Variants in SNTG2 observed in about 807,000 individuals in gnomAD.
The protein encoded by SNTG2 is syntrophin gamma 2.
A neutral mutation model predicts 70.9 loss-of-function variants in SNTG2; 74 were observed. That is an observed-to-expected ratio of 1.04 (90% CI 0.86 to 1.27). The LOEUF (loss-of-function observed/expected upper bound fraction) is 1.27, where lower values mean the gene tolerates loss of function less well. Among genes scored for constraint, SNTG2 ranks in the 50% most tolerant of loss-of-function variants. The probability of loss-of-function intolerance (pLI) is 0.00; values close to 1 mark genes in which losing one functional copy is unlikely to be tolerated. For synonymous variants in SNTG2, 278 were observed against 273.8 expected (o/e 1.02, Z -0.15); for missense variants, 717 against 690.7 (o/e 1.04, Z -0.43).
chr2:1,016,629 A>G (rs1012981912), intron 1 of SNTG2, among the ~76,000 whole-genome samples: 4 of 152,224 alleles, frequency 2.6e-5, no homozygotes, highest in Non-Finnish European at 4.4e-5. Context: ...CAGGCATTTG[A>G]AGGAGGAAGG....
At chr2:1,167,072 A>G (rs1670759580) in intron 7 of SNTG2, among the ~76,000 whole-genome samples, 1 of 152,262 alleles carries the variant, frequency 6.6e-6, no homozygotes, top group African/African-American at 2.4e-5. Context: ...ACCCCGGGAT[A>G]CAGAAAGCCT....
chr2:976,807 A>G (rs1250595262), intron 1 of SNTG2, among the ~76,000 whole-genome samples: 1 of 151,460 alleles, frequency 6.6e-6, no homozygotes, highest in African/African-American at 2.4e-5. Context: ...AAGAACCCCC[A>G]TCCGTCTCCC....
intron 4 of SNTG2, among the ~76,000 whole-genome samples, chr2:1,115,143 G>A (rs553437010): frequency 1.5e-5 from 2 of 137,492 alleles, no homozygotes; most frequent in East Asian, 2.3e-4. Flanking sequence ...CCTTACAGTC[G>A]TTTGAGGAGG....
At chr2:1,053,958 GGA>G (rs1223267868) in intron 1 of SNTG2, among the ~76,000 whole-genome samples, 1 of 150,176 alleles carries the variant, frequency 6.7e-6, no homozygotes, top group Non-Finnish European at 1.5e-5. Context: ...CATATGAGTG[GGA>G]GACCTCGTGT....
chr2:1,276,544 A>G (rs566790220), intron 14 of SNTG2, among the ~76,000 whole-genome samples: 43 of 152,346 alleles, frequency 2.8e-4, no homozygotes, highest in African/African-American at 9.1e-4. Flanking sequence ...ACTGCTCAGA[A>G]AAAAAGATTC....
chr2:1,222,069 CTCTGTCTCTGTCTCTG>C lies in SNTG2; in HGVS notation c.719+12843_719+12858del, dbSNP rs1675146940. Reference sequence around the variant, plus strand: ...TCTGTCTCTCTCTGTCTCTGTTTCTCTCTGTCTCTGTCTCTGTCTCTCTCTGTCTCTCTCTGTCTCT... The same window carrying C: ...TCTGTCTCTCTCTGTCTCTGTTTCTCTCTCTCTCTGTCTCTCTCTGTCTCT... On this transcript the variant is annotated intron_variant, in intron 9 of 16. Coordinates refer to ENST00000308624, the MANE Select transcript of SNTG2 (RefSeq NM_018968.4). 4.5e-4 allele frequency among the ~76,000 whole-genome samples: 13 copies of C among 28,690 alleles called. 1 individual carries two copies. Among genetic ancestry groups the C allele is most frequent in the Admixed American group, 1.6e-3 (4 of 2,538 alleles). The allele number at this position is 28,690 out of a possible 152,430, so 18.8% of individuals were successfully genotyped here. A position where few individuals can be genotyped will look rare whatever the true frequency, so the allele number is the denominator to read the frequency against.
chr2:1,239,669 G>C, intron 10 of SNTG2, 69 bp from the exon 11 acceptor site: 3 of 1,551,344 alleles, frequency 1.9e-6, no homozygotes, highest in Non-Finnish European at 2.7e-6. Flanking sequence ...ATGACTTCCA[G>C]CTGTCACTCA....
chr2:1,047,493 A>T (rs79976919), intron 1 of SNTG2, among the ~76,000 whole-genome samples: 1,751 of 151,948 alleles, frequency 0.012, 33 homozygotes, highest in African/African-American at 0.04. Context: ...GTGTGCTGAT[A>T]CTCCTTCAGC....
At chr2:1,207,651 A>G (rs4446093) in intron 8 of SNTG2, among the ~76,000 whole-genome samples, 127,715 of 152,238 alleles carry the variant, frequency 0.84, 53,666 homozygotes, top group Admixed American at 0.88. Flanking sequence ...TGTTAAGCGT[A>G]AGCATTGTGT....
chr2:1,051,614 T>A (rs1051564855), intron 1 of SNTG2, among the ~76,000 whole-genome samples: 1 of 152,224 alleles, frequency 6.6e-6, no homozygotes, highest in Non-Finnish European at 1.5e-5. Context: ...CTATAAAGTC[T>A]GCAGTTTCTG....
At position 1,237,903 on chromosome 2, in the gene SNTG2, G is replaced by A; in HGVS notation, c.735G>A (p.Glu245=). 6.2e-7 allele frequency: 1 copy of A among 1,604,122 alleles called. No individual in the cohort carries two copies. Among genetic ancestry groups the A allele is most frequent in the Admixed American group, 1.7e-5 (1 of 58,924 alleles). The change falls in exon 10 of 17, where the codon GAG becomes GAA. Residue 245 remains glutamate, a synonymous_variant. Transcript: ENST00000308624. The part of the protein sequence containing the change: ...GTEKLRWNAF[E]VLALDGVSSG... ...CCCTCCCCAGGTGGAATGCGTTCGA[G>A]GTGCTCGCCCTGGACGGAGTCAGCT...
At chr2:1,137,410 T>TGCCACCCACACCCACACATGCAC (rs1668461320) in intron 4 of SNTG2, among the ~76,000 whole-genome samples, 1 of 151,306 alleles carries the variant, frequency 6.6e-6, no homozygotes, top group African/African-American at 2.4e-5. Context: ...TACCCATGCA[T>TGCCACCCACACCCACACATGCAC]GCCACCCACA....
chr2:1,221,057 C>T (rs976406656), intron 9 of SNTG2, among the ~76,000 whole-genome samples: 1 of 152,256 alleles, frequency 6.6e-6, no homozygotes, highest in Non-Finnish European at 1.5e-5. Flanking sequence ...ACTGCATCTG[C>T]TCCTTCTTTC....
intron 14 of SNTG2, among the ~76,000 whole-genome samples, chr2:1,288,961 G>T (rs980073789): frequency 6.6e-6 from 1 of 151,996 alleles, no homozygotes; most frequent in Non-Finnish European, 1.5e-5. Flanking sequence ...CTACTCTTAC[G>T]CCTGATTCCT....
chr2:1,239,669 G>A, intron 10 of SNTG2, 69 bp from the exon 11 acceptor site: 2 of 1,551,342 alleles, frequency 1.3e-6, no homozygotes, highest in South Asian at 2.3e-5. Context: ...ATGACTTCCA[G>A]CTGTCACTCA....
rs886492532 is a variant in SNTG2 at position 1,118,175 on chromosome 2, G to A, written c.326-19447G>A. 5.9e-5 allele frequency among the ~76,000 whole-genome samples: 9 copies of A among 152,084 alleles called. No individual in the cohort carries two copies. The East Asian group carries it at 1.7e-3, about 30-fold the overall frequency. On this transcript the variant is annotated intron_variant, in intron 4 of 16. Coordinates refer to ENST00000308624, the MANE Select transcript of SNTG2 (RefSeq NM_018968.4). ...CACAAGGGCTTCACGTCACCCCAGG[G>A]CCCTGGTTCCACAGCTGCCCTGTGC...
intron 9 of SNTG2, among the ~76,000 whole-genome samples, chr2:1,212,568 C>T (rs927594654): frequency 3.9e-5 from 6 of 152,192 alleles, no homozygotes; most frequent in African/African-American, 1.4e-4. Flanking sequence ...GTCTTACTAG[C>T]TTGCTGACTG....
At chr2:1,193,236 C>T (rs1170998813) in intron 8 of SNTG2, among the ~76,000 whole-genome samples, 1 of 152,168 alleles carries the variant, frequency 6.6e-6, no homozygotes, top group Non-Finnish European at 1.5e-5. Flanking sequence ...TGGGTGACTC[C>T]TGCCGAGCCG....
intron 1 of SNTG2, among the ~76,000 whole-genome samples, chr2:967,809 A>C (rs945702344): frequency 6.6e-6 from 1 of 152,188 alleles, no homozygotes; most frequent in South Asian, 2.1e-4. Context: ...CAGACAGATC[A>C]CCTGAGGTCA....
Sources: gnomAD v4.1 joint callset for allele counts (sites outside exome capture counted in the v4.1 genomes callset) on GRCh38, gnomAD v4.1.1 for gene constraint, MANE v1.5 for transcripts, NCBI Gene and HGNC (gene_info 2026-07-23, HGNC 2026-07-21) for gene names.